Variants in KSR2 observed in about 807,000 individuals in gnomAD.
KSR2 encodes kinase suppressor of ras 2.
A neutral mutation model predicts 107.8 loss-of-function variants in KSR2; 25 were observed. The ratio of observed to expected loss-of-function variants is 0.23; its 90% CI spans 0.17 to 0.32. The LOEUF (loss-of-function observed/expected upper bound fraction) is 0.32, where lower values mean the gene tolerates loss of function less well. Ranked by LOEUF, KSR2 falls within the 10% of genes least tolerant of loss-of-function variation. KSR2 has a pLI of 1.00. For synonymous variants in KSR2, 480 were observed against 507.0 expected (o/e 0.95, Z 0.71); for missense variants, 887 against 1,268.9 (o/e 0.70, Z 4.57).
chr12:117,545,837 T>C (rs1401832636), intron 9 of KSR2, among the ~76,000 whole-genome samples: 2 of 152,214 alleles, frequency 1.3e-5, no homozygotes, highest in African/African-American at 4.8e-5. Flanking sequence ...TAGTATATTA[T>C]ATATACATAA....
intron 5 of KSR2, among the ~76,000 whole-genome samples, chr12:117,622,335 A>C (rs140842543): frequency 6.6e-6 from 1 of 152,250 alleles, no homozygotes; most frequent in African/African-American, 2.4e-5. Context: ...ACACTGTTGA[A>C]ATTTACAATC....
At position 117,502,331 on chromosome 12, in the gene KSR2, G is replaced by C. The variant is rs116232838; in HGVS notation, c.2220-16640C>G. On this transcript the variant is annotated intron_variant, in intron 14 of 19. Transcript: ENST00000339824. ...TGTATGTTTTTTTGTGACCTGACTT[G>C]GGGACAGCAATATGGGTTCCATCAT... is the stretch of plus-strand genomic sequence containing the variant. Among the ~76,000 whole-genome samples the C allele has an allele frequency of 9.1e-3, 1,393 of 152,252 alleles. 22 individuals carry two copies. Among genetic ancestry groups the C allele is most frequent in the South Asian group, 0.028 (137 of 4,820 alleles).
intron 1 of KSR2, 43 bp downstream of exon 1, chr12:117,968,029 CTTTT>C (rs34834989): frequency 0.061 from 39,964 of 654,288 alleles, 277 homozygotes; most frequent in East Asian, 0.12. Context: ...AGAAGGATTG[CTTTT>C]TTTTTTTTTT....
At chr12:117,623,877 C>T (rs562765142) in intron 5 of KSR2, among the ~76,000 whole-genome samples, 2 of 152,338 alleles carry the variant, frequency 1.3e-5, no homozygotes, top group East Asian at 1.9e-4. Context: ...TTCTCCACAT[C>T]CTCTCTAGCA....
chr12:117,783,904 A>C (rs1346126853), intron 3 of KSR2, among the ~76,000 whole-genome samples: 1 of 152,122 alleles, frequency 6.6e-6, no homozygotes, highest in Non-Finnish European at 1.5e-5. Context: ...ACAAAACTGC[A>C]CTCATATGAC....
At chr12:117,554,396 A>T (rs1042611538) in intron 9 of KSR2, among the ~76,000 whole-genome samples, 1 of 152,026 alleles carries the variant, frequency 6.6e-6, no homozygotes, top group Non-Finnish European at 1.5e-5. Context: ...TCAGAAATAG[A>T]CCCCTATTCC....
intron 4 of KSR2, among the ~76,000 whole-genome samples, chr12:117,744,935 A>T (rs1481960192): frequency 2.6e-5 from 4 of 152,184 alleles, no homozygotes; most frequent in Admixed American, 2.6e-4. Context: ...ATATTTTTTA[A>T]ATAATGATGA....
At chr12:117,624,710 T>C (rs968990156) in intron 5 of KSR2, among the ~76,000 whole-genome samples, 8 of 152,172 alleles carry the variant, frequency 5.3e-5, no homozygotes, top group Non-Finnish European at 1.0e-4. Flanking sequence ...ATTTTTTGGT[T>C]CCATATGAAC....
At chr12:117,841,963 C>G (rs1357246421) in intron 3 of KSR2, among the ~76,000 whole-genome samples, 1 of 152,280 alleles carries the variant, frequency 6.6e-6, no homozygotes, top group Non-Finnish European at 1.5e-5. Context: ...CTAGCATTCA[C>G]TCAGTCACTC....
At chr12:117,930,871 A>C (rs1895676220) in intron 1 of KSR2, among the ~76,000 whole-genome samples, 1 of 151,996 alleles carries the variant, frequency 6.6e-6, no homozygotes, top group Non-Finnish European at 1.5e-5. Context: ...CCAAGATTGC[A>C]CCACCGCACT....
intron 3 of KSR2, among the ~76,000 whole-genome samples, chr12:117,762,281 A>G (rs1379623395): frequency 1.3e-5 from 2 of 152,258 alleles, no homozygotes; most frequent in Non-Finnish European, 2.9e-5. Context: ...CACAAATTCC[A>G]AGGAAGTCAA....
intron 5 of KSR2, among the ~76,000 whole-genome samples, chr12:117,609,401 C>A (rs1279048032): frequency 1.3e-5 from 2 of 152,200 alleles, no homozygotes; most frequent in Non-Finnish European, 2.9e-5. Flanking sequence ...TCTAACTAAC[C>A]CAGAGGTCAG....
At chr12:117,566,281 G>A (rs1878488736) in intron 7 of KSR2, among the ~76,000 whole-genome samples, 1 of 152,074 alleles carries the variant, frequency 6.6e-6, no homozygotes, top group East Asian at 1.9e-4. Flanking sequence ...CACCACGCCT[G>A]GCTAATTTTG....
At chr12:117,485,155 G>A (rs1253086122) in intron 15 of KSR2, among the ~76,000 whole-genome samples, 2 of 152,090 alleles carry the variant, frequency 1.3e-5, no homozygotes, top group African/African-American at 4.8e-5. Context: ...GACTAATAAG[G>A]CCCCTTCCAG....
At chr12:117,751,216 G>C (rs1888601169) in intron 4 of KSR2, among the ~76,000 whole-genome samples, 1 of 152,132 alleles carries the variant, frequency 6.6e-6, no homozygotes, top group Non-Finnish European at 1.5e-5. Flanking sequence ...TGTGAAGAAG[G>C]ATGTTTGCTT....
chr12:117,816,019 G>A (rs1048133358), intron 3 of KSR2, among the ~76,000 whole-genome samples: 27 of 150,386 alleles, frequency 1.8e-4, no homozygotes, highest in African/African-American at 5.6e-4. Context: ...GTGTGTGTGT[G>A]TGTGTGTGTG....
At chr12:117,472,258 C>T (rs533188862) in intron 17 of KSR2, among the ~76,000 whole-genome samples, 1 of 152,300 alleles carries the variant, frequency 6.6e-6, no homozygotes, top group African/African-American at 2.4e-5. Context: ...ACATTATTTT[C>T]TGTTTCATAA....
At chr12:117,667,343 T>C in intron 5 of KSR2, 131 bp downstream of exon 5, 1 of 868,430 alleles carries the variant, frequency 1.2e-6, no homozygotes, top group Non-Finnish European at 1.8e-6. Context: ...GGTGAAGCTC[T>C]ACAGTGAGCA....
At chr12:117,792,716 T>G (rs1477869917) in intron 3 of KSR2, among the ~76,000 whole-genome samples, 1 of 152,206 alleles carries the variant, frequency 6.6e-6, no homozygotes, top group Non-Finnish European at 1.5e-5. Flanking sequence ...CTGCTATTTC[T>G]CCAGACCTGG....
Sources: gnomAD v4.1 joint callset for allele counts (sites outside exome capture counted in the v4.1 genomes callset) on GRCh38, gnomAD v4.1.1 for gene constraint, MANE v1.5 for transcripts, NCBI Gene and HGNC (gene_info 2026-07-23, HGNC 2026-07-21) for gene names.